KIAA0825: variants seen among roughly 807,000 people sequenced by gnomAD.
The protein encoded by KIAA0825 is uncharacterized protein KIAA0825.
In KIAA0825, 119 loss-of-function variants were observed where a neutral mutation model predicts 147.6. The ratio of observed to expected loss-of-function variants is 0.81; its 90% CI spans 0.69 to 0.94. The LOEUF (loss-of-function observed/expected upper bound fraction) is 0.94. Ranked by LOEUF, KIAA0825 falls within the 40% of genes least tolerant of loss-of-function variation. The pLI is 0.00. For missense variants in KIAA0825, 1,381 were observed against 1,472.7 expected, an observed-to-expected ratio of 0.94 and a Z score of 1.02; for synonymous variants, 470 against 518.1, an observed-to-expected ratio of 0.91 and a Z score of 1.26.
intron 20 of KIAA0825, among the ~76,000 whole-genome samples, chr5:94,158,869 A>G (rs914625200): frequency 6.6e-6 from 1 of 152,166 alleles, no homozygotes; most frequent in Non-Finnish European, 1.5e-5. Context: ...ACATAAAATA[A>G]TGCCTCGTTT....
intron 20 of KIAA0825, among the ~76,000 whole-genome samples, chr5:94,293,714 TAA>T (rs1778007910): frequency 6.6e-6 from 1 of 152,174 alleles, no homozygotes; most frequent in Admixed American, 6.6e-5. Flanking sequence ...AGTGGGGTGT[TAA>T]AGTCTTCCAG....
chr5:94,547,572 C>A (rs1774669799), intron 2 of KIAA0825, among the ~76,000 whole-genome samples: 1 of 151,994 alleles, frequency 6.6e-6, no homozygotes, highest in Non-Finnish European at 1.5e-5. Flanking sequence ...CCCGTCTCTA[C>A]TAAAGATACA....
At chr5:94,221,490 C>T (rs1247254926) in intron 20 of KIAA0825, among the ~76,000 whole-genome samples, 1 of 152,128 alleles carries the variant, frequency 6.6e-6, no homozygotes, top group Non-Finnish European at 1.5e-5. Context: ...AAGATAATTA[C>T]AAGATATGCT....
chr5:94,434,264 A>T (rs958608963), intron 14 of KIAA0825, among the ~76,000 whole-genome samples: 3 of 152,242 alleles, frequency 2.0e-5, no homozygotes, highest in Admixed American at 2.0e-4. Context: ...TATTTTATAC[A>T]GAGAGGATTA....
At chr5:94,366,823 C>T (rs1270819278) in intron 20 of KIAA0825, among the ~76,000 whole-genome samples, 7 of 152,164 alleles carry the variant, frequency 4.6e-5, no homozygotes, top group Non-Finnish European at 8.8e-5. Flanking sequence ...TTTTCCACGA[C>T]AGTACCCCAA....
intron 13 of KIAA0825, among the ~76,000 whole-genome samples, chr5:94,449,042 C>G (rs1425312618): frequency 6.6e-6 from 1 of 151,988 alleles, no homozygotes; most frequent in Non-Finnish European, 1.5e-5. Context: ...CAGTGAGAGT[C>G]CTCCTAACAT....
At chr5:94,196,512 T>C (rs1289284715) in intron 20 of KIAA0825, among the ~76,000 whole-genome samples, 2 of 152,116 alleles carry the variant, frequency 1.3e-5, no homozygotes, top group African/African-American at 2.4e-5. Flanking sequence ...GCAGGTTTGT[T>C]AAATGGGTAA....
chr5:94,574,600 A>G (rs144004474), intron 2 of KIAA0825, among the ~76,000 whole-genome samples: 53 of 151,774 alleles, frequency 3.5e-4, no homozygotes, highest in African/African-American at 1.2e-3. Context: ...AGTCCCAGAC[A>G]TTAACTTTAG....
At chr5:94,338,398 G>A (rs1732779250) in intron 20 of KIAA0825, among the ~76,000 whole-genome samples, 1 of 152,032 alleles carries the variant, frequency 6.6e-6, no homozygotes. Flanking sequence ...TAAAATGCCA[G>A]GCTCTGATTT....
chr5:94,544,270 T>C (rs1195460812), intron 2 of KIAA0825, among the ~76,000 whole-genome samples: 2 of 152,254 alleles, frequency 1.3e-5, no homozygotes, highest in African/African-American at 2.4e-5. Context: ...CATAGCTGTA[T>C]GTGCTAACCA....
At chr5:94,411,461 A>C (rs1205515354) in intron 15 of KIAA0825, among the ~76,000 whole-genome samples, 1 of 152,238 alleles carries the variant, frequency 6.6e-6, no homozygotes, top group Non-Finnish European at 1.5e-5. Flanking sequence ...TTTTTAAAAA[A>C]TGGTTCTGGG....
At chr5:94,168,415 A>G (rs577940455) in intron 20 of KIAA0825, among the ~76,000 whole-genome samples, 5 of 152,296 alleles carry the variant, frequency 3.3e-5, no homozygotes, top group African/African-American at 9.6e-5. Flanking sequence ...TTAACTGTCC[A>G]AGCAATTTAT....
intron 20 of KIAA0825, among the ~76,000 whole-genome samples, chr5:94,372,317 T>A (rs190253204): frequency 1.6e-3 from 238 of 152,348 alleles, no homozygotes; most frequent in Admixed American, 3.0e-3. Flanking sequence ...CAGTGGGGGC[T>A]CCAACCCCAC....
chr5:94,250,567 T>C (rs187519847), intron 20 of KIAA0825, among the ~76,000 whole-genome samples: 28 of 152,210 alleles, frequency 1.8e-4, no homozygotes, highest in African/African-American at 6.3e-4. Flanking sequence ...ATAACCTTGG[T>C]TGAATTAACC....
chr5:94,182,085 C>T (rs1237365055), intron 20 of KIAA0825, among the ~76,000 whole-genome samples: 4 of 151,792 alleles, frequency 2.6e-5, no homozygotes, highest in African/African-American at 9.7e-5. Flanking sequence ...GCATATCCAG[C>T]TCCCTCTTCT....
At chr5:94,297,231 C>T (rs1487607171) in intron 20 of KIAA0825, among the ~76,000 whole-genome samples, 1 of 152,144 alleles carries the variant, frequency 6.6e-6, no homozygotes. Context: ...GCTTCAAATA[C>T]AGTTATTATC....
In KIAA0825 at chr5:94,580,927, AAC is replaced by A. The variant is rs993227007; in HGVS notation, c.-2+1504_-2+1505del. On this transcript the variant is annotated intron_variant, in intron 2 of 20. Coordinates refer to ENST00000682413, the MANE Select transcript of KIAA0825 (RefSeq NM_001145678.3). ...AAAAAAAAAAAAAAAAAAAATGCAT[AAC>A]ACATAAGATTTTACTTTCATTTTAC... Among the ~76,000 whole-genome samples the A allele has an allele frequency of 2.1e-5, 3 of 142,622 alleles. 1 individual carries two copies. The highest frequency in any genetic ancestry group is 7.2e-5 in the Admixed American group (1 of 13,980). The allele number at this position is 142,622 out of a possible 152,430, so 93.6% of individuals were successfully genotyped here. A position where few individuals can be genotyped will look rare whatever the true frequency, so the allele number is the denominator to read the frequency against.
At chr5:94,524,592 G>A (rs1017283101) in intron 3 of KIAA0825, among the ~76,000 whole-genome samples, 1 of 151,262 alleles carries the variant, frequency 6.6e-6, no homozygotes, top group Non-Finnish European at 1.5e-5. Flanking sequence ...TATACACAAT[G>A]TTACTACAGC....
rs1583986633 is a variant in KIAA0825, at chr5:94,265,258, C to T, written c.3711-111134G>A. Among the ~76,000 whole-genome samples the T allele has an allele frequency of 2.0e-5, 3 of 152,272 alleles. No individual in the cohort carries two copies. The Middle Eastern group carries it at 0.01, about 518-fold the overall frequency. Reference sequence around the variant, plus strand: ...GTTTAATGTTATCATTGGCACTATTCTATGCAGACAGTAAGTCAGTGATTC... The same window carrying T: ...GTTTAATGTTATCATTGGCACTATTTTATGCAGACAGTAAGTCAGTGATTC... On this transcript the variant is annotated intron_variant, in intron 20 of 20. Transcript: ENST00000682413.
Sources: allele counts gnomAD v4.1 joint callset (sites outside exome capture counted in the v4.1 genomes callset), GRCh38; gene constraint gnomAD v4.1.1; transcripts MANE v1.5; gene names NCBI Gene and HGNC (gene_info 2026-07-23, HGNC 2026-07-21).